Variants in MYO16 observed in about 807,000 individuals in gnomAD.
MYO16 encodes unconventional myosin-XVI.
Under a neutral mutation model 205.3 loss-of-function variants are expected in MYO16, and 94 were observed. The ratio of observed to expected loss-of-function variants is 0.46; its 90% CI spans 0.39 to 0.54. The LOEUF (loss-of-function observed/expected upper bound fraction) is 0.54, where lower values mean the gene tolerates loss of function less well. MYO16 is among the 20% of genes least tolerant of loss of function. The pLI is 0.00. For synonymous variants in MYO16, 988 were observed against 954.0 expected (o/e 1.04, Z -0.66); for missense variants, 2,315 against 2,387.5 (o/e 0.97, Z 0.63).
In MYO16 at chr13:109,140,125, G is replaced by C; in HGVS notation, c.4052-139G>C. 7.1e-7 allele frequency: 1 copy of C among 1,407,630 alleles called. No homozygotes were observed. Among genetic ancestry groups the C allele is most frequent in the Non-Finnish European group, 9.3e-7 (1 of 1,078,510 alleles). 87.2% of individuals were successfully genotyped at this position (1,407,630 alleles called of 1,614,324 possible). A position where few individuals can be genotyped will look rare whatever the true frequency, so the allele number is the denominator to read the frequency against. On this transcript the variant is annotated intron_variant, in intron 31 of 34. Coordinates refer to ENST00000457511, the MANE Select transcript of MYO16 (RefSeq NM_001198950.3). This position sits in a 1 kb window ranked among gnomAD's most constrained non-coding sequence, Gnocchi z 8.0. Reference sequence around the variant, plus strand: ...TTCGGGTTCAGCCAGGGAGCCTAGTGGGTGGAGGAACATGCAGGCCCGGTC... The same window carrying C: ...TTCGGGTTCAGCCAGGGAGCCTAGTCGGTGGAGGAACATGCAGGCCCGGTC...
chr13:108,624,781 C>CTGTGTGTGTGTGTG (rs767842855), upstream of MYO16, among the ~76,000 whole-genome samples: 3 of 121,546 alleles, frequency 2.5e-5, no homozygotes, highest in Non-Finnish European at 3.7e-5. Flanking sequence ...CCCATATAGC[C>CTGTGTGTGTGTGTG]TGAGTGTGTG....
At chr13:108,635,532 ACT>A (rs1442495494) in intron 1 of MYO16, among the ~76,000 whole-genome samples, 1 of 149,576 alleles carries the variant, frequency 6.7e-6, no homozygotes, top group Non-Finnish European at 1.5e-5. Context: ...AGGGAGTCTC[ACT>A]CTGTCACCCA....
chr13:109,003,077 T>C (rs1341875927), intron 21 of MYO16, among the ~76,000 whole-genome samples: 5 of 152,212 alleles, frequency 3.3e-5, no homozygotes, highest in Admixed American at 3.3e-4. Flanking sequence ...TAAAACATTT[T>C]AATGGACACA....
At chr13:108,560,883 G>A in the MYO16 span, among the ~76,000 whole-genome samples, 1 of 152,108 alleles carries the variant, frequency 6.6e-6, no homozygotes, top group Non-Finnish European at 1.5e-5. Context: ...CAAAAATAAT[G>A]TATTCACATG....
intron 34 of MYO16, among the ~76,000 whole-genome samples, chr13:109,203,134 T>C (rs2139975852): frequency 6.6e-6 from 1 of 152,336 alleles, no homozygotes; most frequent in South Asian, 2.1e-4. Context: ...GACATTAGCT[T>C]AGGCAAAGAC....
chr13:108,983,088 G>A (rs1395796932), intron 20 of MYO16, among the ~76,000 whole-genome samples: 1 of 152,116 alleles, frequency 6.6e-6, no homozygotes, highest in Non-Finnish European at 1.5e-5. Context: ...TGAGCTCTAA[G>A]GCCAAAGACT....
chr13:108,506,774 C>T, the MYO16 span, among the ~76,000 whole-genome samples: 12 of 152,108 alleles, frequency 7.9e-5, no homozygotes, highest in Non-Finnish European at 1.8e-4. Context: ...TCAAAGAAAA[C>T]ACATTCAGTT....
intron 20 of MYO16, among the ~76,000 whole-genome samples, chr13:108,970,994 G>A (rs989567254): frequency 6.6e-6 from 1 of 152,074 alleles, no homozygotes; most frequent in Non-Finnish European, 1.5e-5. Context: ...TTTTTATAAA[G>A]GATATCATCC....
intron 28 of MYO16, among the ~76,000 whole-genome samples, chr13:109,107,358 T>G (rs913039705): frequency 1.3e-5 from 2 of 152,208 alleles, no homozygotes; most frequent in Non-Finnish European, 2.9e-5. Context: ...TTAAATTAAG[T>G]TATGATCTTT....
the MYO16 span, among the ~76,000 whole-genome samples, chr13:108,585,197 G>C: frequency 6.6e-6 from 1 of 152,164 alleles, no homozygotes; most frequent in Non-Finnish European, 1.5e-5. Flanking sequence ...GAGGTCCTGA[G>C]AACATGCACC....
chr13:109,050,601 A>G (rs746301851), intron 24 of MYO16, among the ~76,000 whole-genome samples: 5 of 152,134 alleles, frequency 3.3e-5, no homozygotes, highest in Non-Finnish European at 4.4e-5. Flanking sequence ...TGCGTTCATG[A>G]TTCTTGCCTA....
chr13:108,665,353 C>T (rs1417995162), intron 1 of MYO16, among the ~76,000 whole-genome samples: 1 of 152,056 alleles, frequency 6.6e-6, no homozygotes, highest in African/African-American at 2.4e-5. Context: ...TTCAAGTGAT[C>T]CTCCTGTCTC....
intron 14 of MYO16, among the ~76,000 whole-genome samples, chr13:108,892,305 G>A (rs1339281001): frequency 1.3e-5 from 2 of 152,040 alleles, no homozygotes; most frequent in Non-Finnish European, 2.9e-5. Context: ...GGAGTATAGT[G>A]GCACAATCTT....
At chr13:108,756,789 A>C (rs1278067206) in intron 4 of MYO16, among the ~76,000 whole-genome samples, 1 of 152,196 alleles carries the variant, frequency 6.6e-6, no homozygotes, top group African/African-American at 2.4e-5. Flanking sequence ...TCTCATAGAC[A>C]CAACCAGAAA....
Position 108,702,661 on chromosome 13 carries a change from G to A in MYO16, c.293-10000G>A, listed in dbSNP as rs7994731. 3.8e-3 allele frequency among the ~76,000 whole-genome samples: 576 copies of A among 152,090 alleles called. 7 individuals carry two copies. Among genetic ancestry groups the A allele is most frequent in the African/African-American group, 0.014 (562 of 41,506 alleles). On this transcript the variant is annotated intron_variant, in intron 2 of 34. Transcript: ENST00000457511. ...TAAAAAAACAGTATTGCCTATTTTT[G>A]TTACTCTAATTTTTAATTATATTTA...
chr13:108,958,035 A>G (rs1883442924), intron 17 of MYO16, among the ~76,000 whole-genome samples: 1 of 151,852 alleles, frequency 6.6e-6, no homozygotes, highest in South Asian at 2.1e-4. Context: ...AAGAAAACAG[A>G]GCAGTCAGCA....
chr13:108,949,359 T>C (rs1022644974), intron 16 of MYO16, among the ~76,000 whole-genome samples: 1 of 152,200 alleles, frequency 6.6e-6, no homozygotes, highest in Non-Finnish European at 1.5e-5. Context: ...ATGAGATCAG[T>C]GCGCAAAATC....
At chr13:108,628,890 CA>C (rs748598535), upstream of MYO16, among the ~76,000 whole-genome samples, 3 of 151,522 alleles carry the variant, frequency 2.0e-5, no homozygotes, top group African/African-American at 7.3e-5. Context: ...TATCAATTTG[CA>C]AAAAAAATGT....
chr13:108,683,765 C>A (rs1882559663), intron 2 of MYO16, among the ~76,000 whole-genome samples: 3 of 152,190 alleles, frequency 2.0e-5, no homozygotes, highest in African/African-American at 2.4e-5. Flanking sequence ...TAGCATTAAG[C>A]CTGAGAATCT....
Sources: gnomAD v4.1 joint callset for allele counts (sites outside exome capture counted in the v4.1 genomes callset) on GRCh38, gnomAD v4.1.1 for gene constraint, Gnocchi (gnomAD v3.1) non-coding constraint, MANE v1.5 for transcripts, NCBI Gene and HGNC (gene_info 2026-07-23, HGNC 2026-07-21) for gene names.